KDSR: variants seen among roughly 807,000 people sequenced by gnomAD.
KDSR encodes 3-ketodihydrosphingosine reductase, also known as 3-dehydrosphinganine reductase.
Under a neutral mutation model 41.3 loss-of-function variants are expected in KDSR, and 23 were observed. The observed-to-expected ratio is 0.56, with a 90% CI of 0.40 to 0.79. The LOEUF (loss-of-function observed/expected upper bound fraction) is 0.79, where lower values mean the gene tolerates loss of function less well. Among genes scored for constraint, KDSR ranks in the 30% least tolerant of loss-of-function variants. KDSR has a pLI of 0.00. For missense variants in KDSR, 351 were observed against 416.8 expected (o/e 0.84, Z 1.37); for synonymous variants, 138 against 151.7 (o/e 0.91, Z 0.66).
chr18:63,366,713 G>T, intron 1 of KDSR: 1 of 327,698 alleles, frequency 3.1e-6, no homozygotes, highest in Non-Finnish European at 5.6e-6. Context: ...ATGTTGCATG[G>T]ATTCACGAGC....
chr18:63,345,523 C>T (rs1914473653), intron 6 of KDSR: 1 of 152,046 alleles, frequency 6.6e-6, no homozygotes, highest in African/African-American at 2.4e-5. Context: ...CTTTTTTGTC[C>T]CTAGGAAACA....
At chr18:63,346,672 G>A (rs2849372) in intron 6 of KDSR, 91,109 of 151,958 alleles carry the variant, frequency 0.6, 29,641 homozygotes, top group Non-Finnish European at 0.72. Context: ...TTCCTAGATT[G>A]GTATTCTCGC....
chr18:63,341,974 G>A (rs1009367889), intron 7 of KDSR, among the ~76,000 whole-genome samples: 25 of 151,326 alleles, frequency 1.7e-4, no homozygotes, highest in Non-Finnish European at 2.9e-4. Flanking sequence ...GACCAGCCTG[G>A]CCAACATGGT....
chr18:63,349,601 T>C (rs1020265241), intron 6 of KDSR, among the ~76,000 whole-genome samples: 22 of 152,384 alleles, frequency 1.4e-4, no homozygotes, highest in African/African-American at 5.3e-4. Flanking sequence ...GAGAATGGCA[T>C]GATCTATCAG....
At position 63,329,999 on chromosome 18, in the gene KDSR, C is replaced by T. The variant is rs1218651932; in HGVS notation, c.*1783G>A. The T allele has an allele frequency of 5.3e-6, 1 of 187,718 alleles. No individual in the cohort carries two copies. Among genetic ancestry groups the T allele is most frequent in the Admixed American group, 6.2e-5 (1 of 16,174 alleles). The allele number at this position is 187,718 out of a possible 1,614,324, so 11.6% of individuals were successfully genotyped here. On this transcript the variant is annotated 3_prime_UTR_variant, in exon 10 of 10. Coordinates refer to ENST00000645214, the MANE Select transcript of KDSR (RefSeq NM_002035.4). Reference sequence around the variant, plus strand: ...GGCATCAACCCATCCTTACAAGCTGCAATGAAATCATTCCAAGCAATTTAT... The same window carrying T: ...GGCATCAACCCATCCTTACAAGCTGTAATGAAATCATTCCAAGCAATTTAT...
At chr18:63,361,005 T>A (rs1170270576) in intron 2 of KDSR, among the ~76,000 whole-genome samples, 1 of 20,752 alleles carries the variant, frequency 4.8e-5, no homozygotes, top group African/African-American at 1.5e-4. Flanking sequence ...AAAAAAAATA[T>A]ATATATATAT....
At chr18:63,344,071 G>A (rs1914427157) in intron 7 of KDSR, among the ~76,000 whole-genome samples, 1 of 152,232 alleles carries the variant, frequency 6.6e-6, no homozygotes, top group Non-Finnish European at 1.5e-5. Context: ...CAGCTACTCA[G>A]GTGGCTGAGG....
chr18:63,346,649 C>T (rs1245617164), intron 6 of KDSR: 4 of 152,164 alleles, frequency 2.6e-5, no homozygotes. Context: ...TTGGGAGAAA[C>T]CAGTCCAGTC....
intron 7 of KDSR, among the ~76,000 whole-genome samples, chr18:63,343,145 C>A (rs965657427): frequency 6.6e-6 from 1 of 152,156 alleles, no homozygotes; most frequent in South Asian, 2.1e-4. Context: ...CAATCTCAGG[C>A]ATTTATTTAT....
intron 5 of KDSR, among the ~76,000 whole-genome samples, chr18:63,352,531 G>T (rs1914685681): frequency 6.6e-6 from 1 of 152,118 alleles, no homozygotes; most frequent in African/African-American, 2.4e-5. Context: ...GGGCAGGCTG[G>T]TCTCGAACTC....
chr18:63,362,336 T>C (rs767874098), intron 2 of KDSR, among the ~76,000 whole-genome samples: 10 of 152,240 alleles, frequency 6.6e-5, no homozygotes, highest in Non-Finnish European at 1.0e-4. Context: ...CTCTATGGTG[T>C]ATAGATTTCA....
chr18:63,330,500 AG>A lies in KDSR; in HGVS notation c.*1281del, dbSNP rs998088113. ...CTGGAAACAACATTCAGGGGCCAAG[AG>A]GGTTTCCAGGGCTACAGAGTTAGAT... On this transcript the variant is annotated 3_prime_UTR_variant, in exon 10 of 10. Transcript: ENST00000645214. The A allele has an allele frequency of 4.3e-6, 1 of 231,508 alleles. No individual in the cohort carries two copies. Among genetic ancestry groups the A allele is most frequent in the Non-Finnish European group, 8.5e-6 (1 of 116,970 alleles). The allele number at this position is 231,508 out of a possible 1,614,324, so 14.3% of individuals were successfully genotyped here.
intron 7 of KDSR, among the ~76,000 whole-genome samples, chr18:63,342,842 G>C (rs1026664285): frequency 6.6e-6 from 1 of 152,114 alleles, no homozygotes; most frequent in Non-Finnish European, 1.5e-5. Flanking sequence ...CAAATCTCAG[G>C]TCCAACTACA....
chr18:63,343,213 G>C (rs551972471), intron 7 of KDSR, among the ~76,000 whole-genome samples: 3 of 152,138 alleles, frequency 2.0e-5, no homozygotes, highest in African/African-American at 7.2e-5. Flanking sequence ...TGAGTAGCTG[G>C]AACAATTCTA....
chr18:63,361,333 G>C (rs1239710807), intron 2 of KDSR, among the ~76,000 whole-genome samples: 1 of 150,494 alleles, frequency 6.6e-6, no homozygotes, highest in African/African-American at 2.5e-5. Flanking sequence ...TGAAATGCTG[G>C]CCTTCTCTGC....
intron 8 of KDSR, among the ~76,000 whole-genome samples, chr18:63,337,945 CAAA>C (rs397858626): frequency 2.0e-5 from 3 of 151,984 alleles, no homozygotes; most frequent in Non-Finnish European, 2.9e-5. Context: ...AACAAACAAA[CAAA>C]ACAACAACAA....
At chr18:63,351,728 T>C (rs1484698090) in intron 5 of KDSR, among the ~76,000 whole-genome samples, 3 of 152,194 alleles carry the variant, frequency 2.0e-5, no homozygotes, top group African/African-American at 7.2e-5. Context: ...TAATAGTGTA[T>C]TTTCTCCTTG....
chr18:63,347,198 C>A (rs1283021154), intron 6 of KDSR, among the ~76,000 whole-genome samples: 1 of 152,060 alleles, frequency 6.6e-6, no homozygotes, highest in Non-Finnish European at 1.5e-5. Flanking sequence ...GACAACTGAC[C>A]ACTTGTTCAA....
intron 8 of KDSR, among the ~76,000 whole-genome samples, chr18:63,337,824 A>G (rs1254082739): frequency 6.6e-6 from 1 of 152,202 alleles, no homozygotes; most frequent in Non-Finnish European, 1.5e-5. Context: ...GCTACTCAGA[A>G]GGCCGAGGCA....
Sources: allele counts gnomAD v4.1 joint callset (sites outside exome capture counted in the v4.1 genomes callset), GRCh38; gene constraint gnomAD v4.1.1; transcripts MANE v1.5; gene names NCBI Gene and HGNC (gene_info 2026-07-23, HGNC 2026-07-21).